The following HEMK2 variants were observed in gnomAD, a reference collection of about 807,000 sequenced individuals.
The protein encoded by HEMK2 is HemK methyltransferase 2, ETF1 glutamine and histone H4 lysine, also known as methyltransferase HEMK2.
At chr21:28,882,988 T>C in the HEMK2 span, 4 of 1,589,456 alleles carry the variant, frequency 2.5e-6, no homozygotes, top group Non-Finnish European at 3.4e-6. Context: ...TACTTACATG[T>C]ACAAAGCCTG....
the HEMK2 span, among the ~76,000 whole-genome samples, chr21:28,599,860 A>G: frequency 6.6e-6 from 1 of 152,220 alleles, no homozygotes; most frequent in Non-Finnish European, 1.5e-5. Context: ...CTACAGAGAC[A>G]GTGAAATCCA....
At chr21:28,708,710 C>G in the HEMK2 span, among the ~76,000 whole-genome samples, 4 of 152,286 alleles carry the variant, frequency 2.6e-5, no homozygotes, top group South Asian at 2.1e-4. Flanking sequence ...TCATACAAGT[C>G]TGTCATTCTT....
At chr21:28,863,755 G>A in the HEMK2 span, among the ~76,000 whole-genome samples, 1 of 152,012 alleles carries the variant, frequency 6.6e-6, no homozygotes, top group African/African-American at 2.4e-5. Flanking sequence ...AGATTATCAG[G>A]ACCGTAGAAA....
At chr21:28,788,563 T>C in the HEMK2 span, among the ~76,000 whole-genome samples, 56 of 151,908 alleles carry the variant, frequency 3.7e-4, no homozygotes, top group African/African-American at 1.2e-3. Context: ...AGACTACAAA[T>C]ATGGTGCAGC....
At chr21:28,809,508 A>C in the HEMK2 span, among the ~76,000 whole-genome samples, 2 of 152,174 alleles carry the variant, frequency 1.3e-5, no homozygotes, top group African/African-American at 4.8e-5. Context: ...AGTTCATGTA[A>C]GAGCTGAACA....
chr21:28,838,994 T>TAC, the HEMK2 span, among the ~76,000 whole-genome samples: 1 of 71,696 alleles, frequency 1.4e-5, no homozygotes, highest in Non-Finnish European at 2.3e-5. Context: ...TATATATATA[T>TAC]ATATATACAT....
chr21:28,875,024 T>C, the HEMK2 span: 1 of 152,292 alleles, frequency 6.6e-6, no homozygotes, highest in African/African-American at 2.4e-5. Flanking sequence ...CAGAACACTC[T>C]GTAAACCAGG....
the HEMK2 span, among the ~76,000 whole-genome samples, chr21:28,686,443 C>T: frequency 6.6e-6 from 1 of 152,068 alleles, no homozygotes; most frequent in Admixed American, 6.5e-5. Context: ...CTGTGTTGGC[C>T]AGGCTGGTCT....
chr21:28,882,341 A>G, the HEMK2 span: 1 of 971,798 alleles, frequency 1.0e-6, no homozygotes, highest in Non-Finnish European at 1.6e-6. Flanking sequence ...TTAATTCTAC[A>G]CAGAACAGAT....
At chr21:28,681,014 C>A in the HEMK2 span, among the ~76,000 whole-genome samples, 757 of 152,270 alleles carry the variant, frequency 5.0e-3, 6 homozygotes, top group African/African-American at 0.017. Flanking sequence ...CCCTCTCTCA[C>A]CACTCCTATT....
chr21:28,613,619 C>G, the HEMK2 span, among the ~76,000 whole-genome samples: 3 of 82,700 alleles, frequency 3.6e-5, no homozygotes, highest in Non-Finnish European at 6.4e-5. Context: ...TCTGCATATT[C>G]TTTTTTTTTT....
At chr21:28,649,832 C>T in the HEMK2 span, among the ~76,000 whole-genome samples, 1 of 149,902 alleles carries the variant, frequency 6.7e-6, no homozygotes, top group Non-Finnish European at 1.5e-5. Flanking sequence ...GCAAAGGAAA[C>T]AGCTCAAGGA....
At chr21:28,576,252 G>T in the HEMK2 span, among the ~76,000 whole-genome samples, 1 of 152,264 alleles carries the variant, frequency 6.6e-6, no homozygotes, top group East Asian at 1.9e-4. Flanking sequence ...CAACAGTACT[G>T]TCAGCCCTTT....
chr21:28,670,043 G>C, the HEMK2 span, among the ~76,000 whole-genome samples: 1 of 152,000 alleles, frequency 6.6e-6, no homozygotes, highest in Non-Finnish European at 1.5e-5. Flanking sequence ...ATGTAGAAGA[G>C]TGAAATAAGA....
At chr21:28,787,117 A>G in the HEMK2 span, among the ~76,000 whole-genome samples, 1 of 152,232 alleles carries the variant, frequency 6.6e-6, no homozygotes, top group Admixed American at 6.5e-5. Flanking sequence ...TGGGGAAAGG[A>G]CACCCTTTTC....
chr21:28,756,092 C>A, the HEMK2 span, among the ~76,000 whole-genome samples: 1 of 151,150 alleles, frequency 6.6e-6, no homozygotes, highest in Non-Finnish European at 1.5e-5. Flanking sequence ...AAGACAGACA[C>A]AAGGCCAGTT....
At chr21:28,855,538 C>T in the HEMK2 span, among the ~76,000 whole-genome samples, 1 of 152,286 alleles carries the variant, frequency 6.6e-6, no homozygotes, top group Middle Eastern at 3.4e-3. Flanking sequence ...AGAACTCTTC[C>T]ACCCTAAAAC....
chr21:28,842,872 C>T, the HEMK2 span, among the ~76,000 whole-genome samples: 1 of 152,048 alleles, frequency 6.6e-6, no homozygotes, highest in Non-Finnish European at 1.5e-5. Context: ...CTTTGCCTAA[C>T]TTTGGAGATG....
the HEMK2 span, among the ~76,000 whole-genome samples, chr21:28,753,953 A>G: frequency 1.9e-3 from 290 of 152,322 alleles, 1 homozygote; most frequent in African/African-American, 4.2e-3. Flanking sequence ...TAATAAAATA[A>G]TGCTCTCTTT....
Sources: allele counts gnomAD v4.1 joint callset (sites outside exome capture counted in the v4.1 genomes callset), GRCh38; gene constraint gnomAD v4.1.1; transcripts MANE v1.5; gene names NCBI Gene and HGNC (gene_info 2026-07-23, HGNC 2026-07-21).